The following PCSK6 variants were observed in gnomAD, a reference collection of about 807,000 sequenced individuals.
The protein encoded by PCSK6 is proprotein convertase subtilisin/kexin type 6.
Under a neutral mutation model 123.3 loss-of-function variants are expected in PCSK6, and 85 were observed. The observed-to-expected ratio is 0.69, with a 90% confidence interval of 0.58 to 0.83. PCSK6 has a LOEUF of 0.83. Among genes scored for constraint, PCSK6 ranks in the 40% least tolerant of loss-of-function variants. PCSK6 has a pLI of 0.00. For synonymous variants in PCSK6, 508 were observed against 516.0 expected (o/e 0.98, Z 0.21); for missense variants, 1,191 against 1,282.3 (o/e 0.93, Z 1.09).
intron 6 of PCSK6, 150 bp downstream of exon 6, chr15:101,427,742 G>T: frequency 1.7e-6 from 1 of 600,924 alleles, no homozygotes; most frequent in South Asian, 2.1e-5. Context: ...CCTGGGCCAT[G>T]ATACAGACGG....
chr15:101,443,420 C>T (rs1363194582), intron 2 of PCSK6, 136 bp downstream of exon 2: 2 of 627,172 alleles, frequency 3.2e-6, no homozygotes, highest in Non-Finnish European at 5.7e-6. Flanking sequence ...CGTAGCTACA[C>T]CTGTCTTGCT....
intron 6 of PCSK6, among the ~76,000 whole-genome samples, chr15:101,419,013 T>C (rs1041236187): frequency 2.6e-5 from 4 of 152,124 alleles, no homozygotes; most frequent in Admixed American, 1.3e-4. Flanking sequence ...ACAAATGGCA[T>C]AAAATTAGAA....
intron 1 of PCSK6, among the ~76,000 whole-genome samples, chr15:101,488,892 T>A (rs767983843): frequency 1.4e-4 from 21 of 149,806 alleles, no homozygotes; most frequent in Non-Finnish European, 2.5e-4. Flanking sequence ...CGCGGCCGCC[T>A]TGGCGCGCGC....
chr15:101,430,551 T>C (rs1178161415), intron 4 of PCSK6, among the ~76,000 whole-genome samples: 3 of 152,270 alleles, frequency 2.0e-5, no homozygotes, highest in Non-Finnish European at 2.9e-5. Flanking sequence ...TCATTTTATA[T>C]TTTCAATAGG....
intron 16 of PCSK6, 104 bp downstream of exon 16, chr15:101,326,273 G>T: frequency 1.2e-6 from 1 of 811,270 alleles, no homozygotes; most frequent in Non-Finnish European, 2.0e-6. Flanking sequence ...TTGTTTGGGG[G>T]TGCTACGTTA....
chr15:101,429,865 C>G (rs549706675), intron 5 of PCSK6, 122 bp downstream of exon 5: 64 of 797,590 alleles, frequency 8.0e-5, no homozygotes, highest in Non-Finnish European at 1.2e-4. Flanking sequence ...AAGCCTGCCT[C>G]GCGCCCAGGC....
chr15:101,397,938 C>T (rs1429385900), intron 7 of PCSK6, among the ~76,000 whole-genome samples: 1 of 152,238 alleles, frequency 6.6e-6, no homozygotes, highest in Non-Finnish European at 1.5e-5. Flanking sequence ...GGGGGACACC[C>T]CGACCACTGC....
chr15:101,360,816 G>C (rs1311971059), intron 13 of PCSK6, among the ~76,000 whole-genome samples: 2 of 152,214 alleles, frequency 1.3e-5, no homozygotes, highest in Non-Finnish European at 2.9e-5. Context: ...TTACTCAAAT[G>C]TCCCTTCCCT....
At chr15:101,417,810 T>C (rs1242577319) in intron 6 of PCSK6, among the ~76,000 whole-genome samples, 1 of 151,700 alleles carries the variant, frequency 6.6e-6, no homozygotes, top group East Asian at 1.9e-4. Context: ...AGGAACTCAA[T>C]TAAAAAAAAC....
At chr15:101,394,609 T>C (rs987258432) in intron 7 of PCSK6, among the ~76,000 whole-genome samples, 1 of 152,084 alleles carries the variant, frequency 6.6e-6, no homozygotes, top group Non-Finnish European at 1.5e-5. Flanking sequence ...ACAGAGGAAA[T>C]TTATACTTAT....
intron 20 of PCSK6, chr15:101,313,112 TGG>T: frequency 7.1e-7 from 1 of 1,416,536 alleles, no homozygotes; most frequent in Non-Finnish European, 9.3e-7. Context: ...AGTCCACCAA[TGG>T]GGTGTGAGCA....
chr15:101,442,377 G>A (rs997441432), intron 2 of PCSK6, among the ~76,000 whole-genome samples: 1 of 152,030 alleles, frequency 6.6e-6, no homozygotes, highest in African/African-American at 2.4e-5. Context: ...ATATATTCAA[G>A]ACAAGTCTGT....
chr15:101,320,377 C>T (rs559696775), intron 18 of PCSK6, among the ~76,000 whole-genome samples: 1 of 152,322 alleles, frequency 6.6e-6, no homozygotes, highest in South Asian at 2.1e-4. Flanking sequence ...TGAGCCACTG[C>T]GTTCAGCCTG....
At chr15:101,442,765 G>C (rs1293495825) in intron 2 of PCSK6, among the ~76,000 whole-genome samples, 1 of 152,156 alleles carries the variant, frequency 6.6e-6, no homozygotes, top group Non-Finnish European at 1.5e-5. Flanking sequence ...TCCGTTCCTT[G>C]CTGGGGCTGC....
intron 13 of PCSK6, among the ~76,000 whole-genome samples, chr15:101,344,366 T>G (rs2040685221): frequency 6.6e-6 from 1 of 152,260 alleles, no homozygotes; most frequent in African/African-American, 2.4e-5. Context: ...AGAACTGAAC[T>G]AAACCTTTTA....
At chr15:101,479,396 T>A (rs2141258859) in intron 1 of PCSK6, among the ~76,000 whole-genome samples, 1 of 152,338 alleles carries the variant, frequency 6.6e-6, no homozygotes, top group South Asian at 2.1e-4. Context: ...AGTGGGGCTC[T>A]GAAGAATCCT....
At chr15:101,427,841 C>T in intron 6 of PCSK6, 51 bp downstream of exon 6, 1 of 1,411,376 alleles carries the variant, frequency 7.1e-7, no homozygotes, top group Non-Finnish European at 9.7e-7. Flanking sequence ...GAGCTCCCAG[C>T]TGCCCCTGCC....
chr15:101,353,471 C>A (rs952773262), intron 13 of PCSK6, among the ~76,000 whole-genome samples: 1 of 152,108 alleles, frequency 6.6e-6, no homozygotes, highest in Non-Finnish European at 1.5e-5. Context: ...GGATGGGGAC[C>A]CCTGCTCTTG....
intron 19 of PCSK6, among the ~76,000 whole-genome samples, chr15:101,314,439 G>A (rs2039941078): frequency 6.6e-6 from 1 of 152,248 alleles, no homozygotes; most frequent in South Asian, 2.1e-4. Context: ...GGGGCTCTAT[G>A]ATAATCACAA....
Sources: gnomAD v4.1 joint callset for allele counts (sites outside exome capture counted in the v4.1 genomes callset) on GRCh38, gnomAD v4.1.1 for gene constraint, MANE v1.5 for transcripts, NCBI Gene and HGNC (gene_info 2026-07-23, HGNC 2026-07-21) for gene names.